The following PHC3 variants were observed in gnomAD, a reference collection of about 807,000 sequenced individuals.
PHC3 encodes the protein polyhomeotic-like protein 3.
Under a neutral mutation model 107.4 loss-of-function variants are expected in PHC3, and 13 were observed. The ratio of observed to expected loss-of-function variants is 0.12; its 90% CI spans 0.08 to 0.19. The LOEUF is 0.19. Among genes scored for constraint, PHC3 ranks in the 10% least tolerant of loss-of-function variants. PHC3 has a pLI of 1.00. For synonymous variants in PHC3, 456 were observed against 427.4 expected (o/e 1.07, Z -0.83); for missense variants, 992 against 1,210.9 (o/e 0.82, Z 2.68).
At chr3:170,159,801 A>C (rs1297980982) in intron 4 of PHC3, among the ~76,000 whole-genome samples, 1 of 152,246 alleles carries the variant, frequency 6.6e-6, no homozygotes, top group East Asian at 1.9e-4. Flanking sequence ...TTACCCCAGA[A>C]GAATGATAAT....
intron 11 of PHC3, 56 bp downstream of exon 11, chr3:170,113,299 CTGTTT>C: frequency 1.4e-6 from 2 of 1,456,088 alleles, no homozygotes; most frequent in Non-Finnish European, 1.8e-6. Flanking sequence ...AATCCACATC[CTGTTT>C]TAAGCAGTAA....
chr3:170,128,840 G>A lies in PHC3; in HGVS notation c.1632C>T (p.Ser544=), dbSNP rs1721777203. Residue 544 remains serine (S), a synonymous_variant, in exon 8 of 15, where the codon TCC becomes TCT. Transcript: ENST00000495893. ...QSLQVQPEIL[S]QGQVLVQNAL... is the part of the protein sequence containing the mutation. ...CATTCTGCACCAAAACCTGGCCCTG[G>A]GACAGAATTTCAGGCTGCACTTGTA... 8 of 1,613,984 alleles carry A rather than the reference G, an allele frequency of 5.0e-6. No individual in the cohort carries two copies. Among genetic ancestry groups the A allele is most frequent in the Non-Finnish European group, 6.8e-6 (8 of 1,179,876 alleles).
intron 6 of PHC3, among the ~76,000 whole-genome samples, chr3:170,139,700 G>T (rs1039404383): frequency 1.8e-4 from 27 of 152,072 alleles, no homozygotes; most frequent in Non-Finnish European, 2.9e-5. Context: ...AAATATCTAT[G>T]ATCATTTTGA....
At chr3:170,171,197 T>C (rs1308757299) in intron 4 of PHC3, 176 bp downstream of exon 4, 1 of 576,264 alleles carries the variant, frequency 1.7e-6, no homozygotes, top group African/African-American at 1.9e-5. Flanking sequence ...CAGATTTTCA[T>C]AAGTTTAACA....
Position 170,106,139 on chromosome 3 carries a change from G to C in PHC3, c.2468+693C>G, listed in dbSNP as rs189626192. Among the ~76,000 whole-genome samples, 4 of 152,276 alleles carry C rather than the reference G, an allele frequency of 2.6e-5. No individual in the cohort carries two copies. In the East Asian group the frequency reaches 7.7e-4, roughly 29 times the overall value. On this transcript the variant is annotated intron_variant, in intron 12 of 14. Transcript: ENST00000495893. Reference sequence around the variant, plus strand: ...AGGCAGGAGAATCTCTTGAGACTGGGTGGTGGAGGATGCAGTGAGCCGAGA... The same window carrying C: ...AGGCAGGAGAATCTCTTGAGACTGGCTGGTGGAGGATGCAGTGAGCCGAGA...
chr3:170,118,663 G>T (rs976084943), intron 9 of PHC3, among the ~76,000 whole-genome samples: 3 of 151,974 alleles, frequency 2.0e-5, no homozygotes, highest in Non-Finnish European at 1.5e-5. Context: ...CACCCGCCTC[G>T]GCCTGCCAAA....
At chr3:170,098,145 TAGTATCTACCTG>T (rs1162972028) in intron 14 of PHC3, among the ~76,000 whole-genome samples, 1 of 152,194 alleles carries the variant, frequency 6.6e-6, no homozygotes, top group African/African-American at 2.4e-5. Context: ...GTAACAATGC[TAGTATCTACCTG>T]AAACTCAAAT....
rs1714099883 is a variant in PHC3 at position 170,091,677 on chromosome 3, A to G, written c.*5553T>C. ...AAAAGGAGGGCAGAGATTCTCCCTT[A>G]ATGTATGTTTTCTAAATTGAAAGTT... On this transcript the variant is annotated 3_prime_UTR_variant, in exon 15 of 15. Coordinates refer to ENST00000495893, the MANE Select transcript of PHC3 (RefSeq NM_024947.4). 1.3e-5 allele frequency: 2 copies of G among 152,182 alleles called. No homozygotes were observed. The highest frequency in any genetic ancestry group is 4.8e-5 in the African/African-American group (2 of 41,442). 9.4% of individuals were successfully genotyped at this position (152,182 alleles called of 1,614,324 possible). A position where few individuals can be genotyped will look rare whatever the true frequency, so the allele number is the denominator to read the frequency against.
chr3:170,137,278 C>T (rs1723247638), intron 6 of PHC3, among the ~76,000 whole-genome samples: 1 of 152,156 alleles, frequency 6.6e-6, no homozygotes, highest in African/African-American at 2.4e-5. Context: ...ACTGAAAAGA[C>T]TCTGCATGAC....
At chr3:170,165,597 T>C (rs778276155) in intron 4 of PHC3, among the ~76,000 whole-genome samples, 1 of 151,160 alleles carries the variant, frequency 6.6e-6, no homozygotes, top group African/African-American at 2.4e-5. Flanking sequence ...CTACTAAAAA[T>C]ACAAAAATTA....
chr3:170,113,261 C>T, intron 11 of PHC3, 99 bp downstream of exon 11: 1 of 1,157,892 alleles, frequency 8.6e-7, no homozygotes, highest in Non-Finnish European at 1.2e-6. Context: ...AAGTTGAATA[C>T]TTCCAGTGAA....
In PHC3 at chr3:170,090,644, A is replaced by G. The variant is rs371752044; in HGVS notation, c.*6586T>C. 3.9e-5 allele frequency: 6 copies of G among 152,230 alleles called. No individual in the cohort carries two copies. Among genetic ancestry groups the G allele is most frequent in the East Asian group, 1.9e-4 (1 of 5,206 alleles). The allele number at this position is 152,230 out of a possible 1,614,324, so 9.4% of individuals were successfully genotyped here. Reference sequence around the variant, plus strand: ...AAAAAGGAAAGAGAATAAAGTAGGAATAACCCCATTACACAGCCTAGAATC... The same window carrying G: ...AAAAAGGAAAGAGAATAAAGTAGGAGTAACCCCATTACACAGCCTAGAATC... On this transcript the variant is annotated 3_prime_UTR_variant, in exon 15 of 15. Transcript: ENST00000495893.
intron 1 of PHC3, 110 bp downstream of exon 1, chr3:170,181,592 C>G: frequency 2.0e-6 from 3 of 1,537,534 alleles, no homozygotes; most frequent in South Asian, 1.1e-5. Flanking sequence ...TCGAGTCTCT[C>G]TTTCCCCACA....
intron 4 of PHC3, among the ~76,000 whole-genome samples, chr3:170,163,879 A>AGGC: frequency 3.8e-5 from 5 of 131,166 alleles, no homozygotes; most frequent in African/African-American, 1.2e-4. Context: ...AAAAAAAAAA[A>AGGC]AAAAAGGCAG....
chr3:170,123,307 ACT>A (rs1237516918), intron 8 of PHC3, among the ~76,000 whole-genome samples: 2 of 151,198 alleles, frequency 1.3e-5, no homozygotes, highest in African/African-American at 4.9e-5. Flanking sequence ...CAATCTAATG[ACT>A]CTTTATATAT....
At chr3:170,176,391 C>T (rs1730487169) in intron 2 of PHC3, among the ~76,000 whole-genome samples, 4 of 152,076 alleles carry the variant, frequency 2.6e-5, no homozygotes. Flanking sequence ...AAACCAAAAA[C>T]AGTTAAATAG....
Position 170,111,317 on chromosome 3 carries a change from G to GGAACGAACGAAC in PHC3, c.2353+2031_2353+2042dup, listed in dbSNP as rs1252000410. Among the ~76,000 whole-genome samples, 151 of 107,504 alleles carry GGAACGAACGAAC rather than the reference G, an allele frequency of 1.4e-3. 1 individual carries two copies. Among genetic ancestry groups the GGAACGAACGAAC allele is most frequent in the South Asian group, 2.5e-3 (8 of 3,256 alleles). 70.5% of individuals were successfully genotyped at this position (107,504 alleles called of 152,430 possible). ...AGGAAGGAAGGAAGGAAGGAAGGAA[G>GGAACGAACGAAC]GAACGAACGAACGAAAGAACAAAAG... is the stretch of plus-strand genomic sequence containing the variant. On this transcript the variant is annotated intron_variant, in intron 11 of 14. Transcript: ENST00000495893.
At chr3:170,106,624 G>A (rs539104094) in intron 12 of PHC3, among the ~76,000 whole-genome samples, 10 of 152,006 alleles carry the variant, frequency 6.6e-5, no homozygotes, top group African/African-American at 1.9e-4. Flanking sequence ...TGTAATTTTC[G>A]CAAAGCAAAA....
intron 4 of PHC3, chr3:170,150,835 G>C: frequency 4.2e-6 from 1 of 238,732 alleles, no homozygotes; most frequent in Non-Finnish European, 8.5e-6. Context: ...GGGTGGCTAG[G>C]GTAATAGGGA....
Sources: gnomAD v4.1 joint callset for allele counts (sites outside exome capture counted in the v4.1 genomes callset) on GRCh38, gnomAD v4.1.1 for gene constraint, MANE v1.5 for transcripts, NCBI Gene and HGNC (gene_info 2026-07-23, HGNC 2026-07-21) for gene names.